Variants in NAALADL2 observed in about 807,000 individuals in gnomAD.
NAALADL2 encodes the protein inactive N-acetylated-alpha-linked acidic dipeptidase-like protein 2.
In NAALADL2, 76 loss-of-function variants were observed where a neutral mutation model predicts 87.2. That is an observed-to-expected ratio of 0.87 (90% confidence interval 0.72 to 1.05). The LOEUF is 1.05. Ranked by LOEUF, NAALADL2 falls within the 50% of genes least tolerant of loss-of-function variation. The probability of loss-of-function intolerance (pLI) is 0.00; values close to 1 mark genes in which losing one functional copy is unlikely to be tolerated. For missense variants in NAALADL2, 1,089 were observed against 945.8 expected (o/e 1.15, Z -1.99); for synonymous variants, 354 against 331.0 (o/e 1.07, Z -0.75).
At chr3:174,668,457 C>T in intron 2 of NAALADL2, among the ~76,000 whole-genome samples, 1 of 152,142 alleles carries the variant, frequency 6.6e-6, no homozygotes, top group African/African-American at 2.4e-5. Flanking sequence ...TTCTAGGGTA[C>T]ATGTGCACAA....
chr3:175,447,539 G>A (rs760396914), intron 6 of NAALADL2, among the ~76,000 whole-genome samples, 167 bp downstream of exon 6: 1 of 152,196 alleles, frequency 6.6e-6, no homozygotes. Flanking sequence ...TGTTTGGAAA[G>A]TAATTTTGAT....
intron 11 of NAALADL2, among the ~76,000 whole-genome samples, chr3:175,636,568 G>A (rs1029944206): frequency 2.0e-5 from 3 of 151,802 alleles, no homozygotes; most frequent in Admixed American, 1.3e-4. Context: ...ATGTGGTGGC[G>A]GGTGCCTGTA....
At chr3:174,494,677 A>C (rs1718408488) in intron 1 of NAALADL2, among the ~76,000 whole-genome samples, 1 of 152,038 alleles carries the variant, frequency 6.6e-6, no homozygotes, top group Non-Finnish European at 1.5e-5. Context: ...ACAAGGGCTT[A>C]TAGCAAGGTA....
chr3:175,365,639 C>T (rs1442550609), intron 5 of NAALADL2, among the ~76,000 whole-genome samples: 1 of 146,872 alleles, frequency 6.8e-6, no homozygotes, highest in African/African-American at 2.5e-5. Context: ...AATCAAAATA[C>T]CAGGTCTGAA....
chr3:174,792,888 T>A (rs187058021), intron 3 of NAALADL2, among the ~76,000 whole-genome samples: 2 of 152,304 alleles, frequency 1.3e-5, no homozygotes, highest in Non-Finnish European at 2.9e-5. Flanking sequence ...CTGTCTAGAA[T>A]GTAAATATGT....
intron 13 of NAALADL2, among the ~76,000 whole-genome samples, chr3:175,794,547 G>A (rs1380035010): frequency 1.3e-5 from 2 of 152,120 alleles, no homozygotes; most frequent in African/African-American, 4.8e-5. Flanking sequence ...CGAGCACTGT[G>A]CAGTGGAATG....
At chr3:175,510,214 AACTC>A (rs1730972189) in intron 9 of NAALADL2, among the ~76,000 whole-genome samples, 2 of 152,036 alleles carry the variant, frequency 1.3e-5, no homozygotes, top group Admixed American at 1.3e-4. Flanking sequence ...ATCTCATGAG[AACTC>A]ACTCACTATC....
chr3:174,833,186 C>T (rs1722931145), intron 3 of NAALADL2, among the ~76,000 whole-genome samples: 1 of 152,046 alleles, frequency 6.6e-6, no homozygotes, highest in Admixed American at 6.5e-5. Context: ...ATGATCATAT[C>T]TGTAAAAGAA....
intron 3 of NAALADL2, among the ~76,000 whole-genome samples, chr3:174,743,102 T>A (rs1733912693): frequency 6.6e-6 from 1 of 151,824 alleles, no homozygotes; most frequent in African/African-American, 2.4e-5. Context: ...AACATCAAAG[T>A]AAATATCCTA....
chr3:174,699,425 C>T (rs977789829), intron 2 of NAALADL2, among the ~76,000 whole-genome samples: 4 of 150,224 alleles, frequency 2.7e-5, no homozygotes, highest in South Asian at 4.2e-4. Context: ...ACCTGGGAGG[C>T]GGAGGTTGCA....
At chr3:175,638,307 A>T (rs1728821840) in intron 11 of NAALADL2, among the ~76,000 whole-genome samples, 1 of 152,110 alleles carries the variant, frequency 6.6e-6, no homozygotes, top group Non-Finnish European at 1.5e-5. Context: ...TTTCTTATCC[A>T]CTTATTTCTT....
At chr3:175,777,594 C>T (rs969660106) in intron 13 of NAALADL2, among the ~76,000 whole-genome samples, 1 of 151,960 alleles carries the variant, frequency 6.6e-6, no homozygotes, top group Non-Finnish European at 1.5e-5. Context: ...AGAGCTTTGC[C>T]AAGAAGAGAT....
At position 175,667,235 on chromosome 3, in the gene NAALADL2, GAAA is replaced by G. The variant is rs1560943443; in HGVS notation, c.1896+39850_1896+39852del. 6.3e-3 allele frequency among the ~76,000 whole-genome samples: 714 copies of G among 112,622 alleles called. 7 individuals are homozygous for G. The highest frequency in any genetic ancestry group is 0.011 in the African/African-American group (242 of 22,526). 73.9% of individuals were successfully genotyped at this position (112,622 alleles called of 152,430 possible). On this transcript the variant is annotated intron_variant, in intron 11 of 13. Transcript: ENST00000454872. The stretch of plus-strand genomic sequence containing the variant: ...AGAAAGAAAGAAAGAAAGAAAGAAA[GAAA>G]GAAAAAGAAAGAAAGAAAGAAAGAA...
At chr3:175,324,954 G>T (rs1760504767) in intron 5 of NAALADL2, among the ~76,000 whole-genome samples, 1 of 152,106 alleles carries the variant, frequency 6.6e-6, no homozygotes, top group South Asian at 2.1e-4. Context: ...GGTGATTTTG[G>T]CAGATGCTCA....
At chr3:174,815,830 GTTTTTTTTTTT>G (rs10589968) in intron 3 of NAALADL2, among the ~76,000 whole-genome samples, 2 of 115,196 alleles carry the variant, frequency 1.7e-5, no homozygotes, top group Non-Finnish European at 3.6e-5. Flanking sequence ...TTTGACTTTA[GTTTTTTTTTTT>G]TTTTTTTTTT....
chr3:175,376,483 GTC>G (rs1767143312), intron 5 of NAALADL2, among the ~76,000 whole-genome samples: 1 of 151,862 alleles, frequency 6.6e-6, no homozygotes, highest in Admixed American at 6.6e-5. Context: ...CTGGTAATTT[GTC>G]TCTATCTTTG....
intron 1 of NAALADL2, among the ~76,000 whole-genome samples, chr3:174,938,427 G>C (rs1365869446): frequency 6.6e-6 from 1 of 151,964 alleles, no homozygotes; most frequent in South Asian, 2.1e-4. Context: ...ATTTGTCATT[G>C]ATAGGCATTT....
chr3:175,346,665 T>G (rs943691789), intron 5 of NAALADL2, among the ~76,000 whole-genome samples: 3 of 112,832 alleles, frequency 2.7e-5, no homozygotes, highest in African/African-American at 1.5e-4. Context: ...AAACTGACAT[T>G]TTTTCAGTTT....
chr3:175,059,905 G>A (rs1433806014), intron 1 of NAALADL2: 5 of 393,664 alleles, frequency 1.3e-5, no homozygotes, highest in Admixed American at 6.3e-5. Context: ...CAATGGGCCA[G>A]AGACTGCTTC....
Sources: allele counts gnomAD v4.1 joint callset (sites outside exome capture counted in the v4.1 genomes callset), GRCh38; gene constraint gnomAD v4.1.1; transcripts MANE v1.5; gene names NCBI Gene and HGNC (gene_info 2026-07-23, HGNC 2026-07-21).